Variants in BIN1 observed in about 807,000 individuals in gnomAD.
BIN1 encodes the protein myc box-dependent-interacting protein 1.
A neutral mutation model predicts 82.0 loss-of-function variants in BIN1; 53 were observed. That is an observed-to-expected ratio of 0.65 (90% CI 0.52 to 0.81). The LOEUF (loss-of-function observed/expected upper bound fraction) is 0.81, where lower values mean the gene tolerates loss of function less well. Among genes scored for constraint, BIN1 ranks in the 40% least tolerant of loss-of-function variants. The pLI, the probability that BIN1 is intolerant of heterozygous loss-of-function variation, is 0.00. For synonymous variants in BIN1, 302 were observed against 328.0 expected, an observed-to-expected ratio of 0.92 and a Z score of 0.86; for missense variants, 642 against 784.4, an observed-to-expected ratio of 0.82 and a Z score of 2.17.
intron 8 of BIN1, 50 bp from the exon 9 acceptor site, chr2:127,063,696 A>G (rs1207981959): frequency 1.9e-6 from 3 of 1,588,776 alleles, no homozygotes; most frequent in East Asian, 2.3e-5. Context: ...AGGTCAGGAC[A>G]GCAACTCAGA....
At chr2:127,088,961 C>A (rs148605462) in intron 1 of BIN1, among the ~76,000 whole-genome samples, 10 of 152,074 alleles carry the variant, frequency 6.6e-5, no homozygotes, top group Non-Finnish European at 1.3e-4. Context: ...ACAGCAAGAC[C>A]GGCGTGGCTG....
At chr2:127,053,472 G>T (rs762840542) in intron 13 of BIN1, 27 bp from the exon 14 acceptor site, 9 of 1,613,004 alleles carry the variant, frequency 5.6e-6, no homozygotes, top group African/African-American at 4.0e-5. Flanking sequence ...GGGCGAGAAG[G>T]ACAGTTAGCA....
At chr2:127,089,645 C>T (rs1244582604) in intron 1 of BIN1, among the ~76,000 whole-genome samples, 1 of 152,100 alleles carries the variant, frequency 6.6e-6, no homozygotes, top group African/African-American at 2.4e-5. Flanking sequence ...CCCCACCCAC[C>T]TGCCCCTCAG....
At chr2:127,065,933 A>G (rs1398509583) in intron 7 of BIN1, among the ~76,000 whole-genome samples, 2 of 152,128 alleles carry the variant, frequency 1.3e-5, no homozygotes, top group Non-Finnish European at 2.9e-5. Context: ...ATGAGGAGAG[A>G]GTGCCCCCAC....
intron 1 of BIN1, among the ~76,000 whole-genome samples, chr2:127,104,292 G>T (rs2105358016): frequency 6.6e-6 from 1 of 152,336 alleles, no homozygotes; most frequent in South Asian, 2.1e-4. Flanking sequence ...TGCCCTCAGG[G>T]ATCAGCCAGA....
At position 127,068,965 on chromosome 2, in the gene BIN1, G is replaced by A. The variant is rs1685511003; in HGVS notation, c.478C>T (p.Leu160Phe). 1.2e-6 allele frequency: 2 copies of A among 1,614,184 alleles called. No homozygotes were observed. Among genetic ancestry groups the A allele is most frequent in the South Asian group, 2.2e-5 (2 of 91,080 alleles). ...TCATCCTTCTTTTTGGCAGTTTGAAGGGACTCGTAGTGGTGCCGGGCACTG... is the reference window on the plus strand; with the variant it reads ...TCATCCTTCTTTTTGGCAGTTTGAAAGGACTCGTAGTGGTGCCGGGCACTG... ...YDSARHHYES[L>F]QTAKKKDEAK... Residue 160 changes from leucine (L) to phenylalanine (F), a missense_variant, in exon 6 of 19, where the codon CTT (leucine) becomes TTT (phenylalanine). Coordinates refer to ENST00000316724, the MANE Select transcript of BIN1 (RefSeq NM_139343.3). This position sits in a 1 kb window ranked among gnomAD's most constrained non-coding sequence, Gnocchi z 4.9.
rs1161842269 is a variant in BIN1, at chr2:127,063,983, A to C, written c.648T>G (p.Phe216Leu). Residue 216 changes from phenylalanine (F) to leucine (L), a missense_variant, in exon 8 of 19, where the codon TTT (phenylalanine) becomes TTG (leucine). Transcript: ENST00000316724. ...CCTGCAGATCCACATTCATCTCCTC[A>C]AACACCTTCTGGGCTTTGATGAGCT... Reference protein sequence around the residue: ...EEELIKAQKVFEEMNVDLQEE... With the variant: ...EEELIKAQKVLEEMNVDLQEE... 2 of 1,613,682 alleles carry C rather than the reference A, an allele frequency of 1.2e-6. No individual in the cohort carries two copies. Among genetic ancestry groups the C allele is most frequent in the Non-Finnish European group, 1.7e-6 (2 of 1,179,992 alleles).
intron 12 of BIN1, chr2:127,054,405 T>C: frequency 3.4e-6 from 1 of 293,524 alleles, no homozygotes; most frequent in Non-Finnish European, 6.6e-6. Context: ...GAACCTCCTC[T>C]CCGCTCCCTG....
Position 127,099,791 on chromosome 2 carries a change from C to T in BIN1, c.84+7069G>A, listed in dbSNP as rs370828072. On this transcript the variant is annotated intron_variant, in intron 1 of 18. Transcript: ENST00000316724. Reference sequence around the variant, plus strand: ...CCTCCCAAAGTGCTGGGGTTACAGGCGTGAGCCACTGCGCCTGGCCTTTTT... The same window carrying T: ...CCTCCCAAAGTGCTGGGGTTACAGGTGTGAGCCACTGCGCCTGGCCTTTTT... Among the ~76,000 whole-genome samples, 4 of 150,928 alleles carry T rather than the reference C, an allele frequency of 2.7e-5. No individual in the cohort carries two copies. In the East Asian group the frequency reaches 5.9e-4, roughly 22 times the overall value.
At chr2:127,098,741 C>A (rs1679922563) in intron 1 of BIN1, among the ~76,000 whole-genome samples, 1 of 152,256 alleles carries the variant, frequency 6.6e-6, no homozygotes, top group African/African-American at 2.4e-5. Context: ...CAGCAAATCA[C>A]ACTGAACCCC....
chr2:127,084,861 A>C (rs553828662), intron 1 of BIN1, among the ~76,000 whole-genome samples: 1 of 152,306 alleles, frequency 6.6e-6, no homozygotes, highest in African/African-American at 2.4e-5. Context: ...CACCTGCCCC[A>C]GGCTGGTGAC....
At chr2:127,094,614 C>T (rs931176513) in intron 1 of BIN1, among the ~76,000 whole-genome samples, 12 of 152,254 alleles carry the variant, frequency 7.9e-5, no homozygotes, top group African/African-American at 2.7e-4. Context: ...GCGGAGCCGA[C>T]TGCAGACTAT....
intron 1 of BIN1, 45 bp downstream of exon 1, chr2:127,106,815 G>A (rs752759426): frequency 6.4e-7 from 1 of 1,560,678 alleles, no homozygotes; most frequent in South Asian, 1.2e-5. Flanking sequence ...CCGGGGCTCC[G>A]CGGCGGCTGG....
chr2:127,048,325 G>A lies in BIN1; in HGVS notation c.*201C>T, dbSNP rs1232461307. 1.0e-5 allele frequency: 6 copies of A among 586,012 alleles called. No individual in the cohort carries two copies. The African/African-American group carries it at 1.1e-4, about 11-fold the overall frequency. 36.3% of individuals were successfully genotyped at this position (586,012 alleles called of 1,614,324 possible). On this transcript the variant is annotated 3_prime_UTR_variant, in exon 19 of 19. Coordinates refer to ENST00000316724, the MANE Select transcript of BIN1 (RefSeq NM_139343.3). Reference sequence around the variant, plus strand: ...ACACAGCAGCTTCAGGAACACTGGTGAATTCCGCCGGACTTGCCGGGACGC... The same window carrying A: ...ACACAGCAGCTTCAGGAACACTGGTAAATTCCGCCGGACTTGCCGGGACGC...
At chr2:127,083,210 C>T (rs1259805846) in intron 1 of BIN1, among the ~76,000 whole-genome samples, 3 of 151,912 alleles carry the variant, frequency 2.0e-5, no homozygotes, top group Non-Finnish European at 2.9e-5. Context: ...CTCAGCGTCC[C>T]GAGTAGCTGG....
At chr2:127,051,118 G>A (rs776018720) in intron 16 of BIN1, 36 bp downstream of exon 16, 1 of 1,610,644 alleles carries the variant, frequency 6.2e-7, no homozygotes, top group East Asian at 2.2e-5. Context: ...CGGGCGGCAG[G>A]GAGGAAAAGG....
In BIN1 at chr2:127,063,580, C is replaced by A; in HGVS notation, c.765G>T (p.Glu255Asp). 6.2e-7 allele frequency: 1 copy of A among 1,613,976 alleles called. No homozygotes were observed. The highest frequency in any genetic ancestry group is 1.1e-5 in the South Asian group (1 of 91,028). ...GGTCCCCATGGCCTACCTTGCTCAT[C>A]TCCTTGTGGAAGTTTTCCTCCAGGC... ...IAGLEENFHK[E>D]MSKLNQNLND... Residue 255 changes from glutamate to aspartate, a missense_variant, in exon 9 of 19, where the codon GAG becomes GAT. By Grantham distance (45) the Glu-to-Asp change is conservative. Transcript: ENST00000316724.
chr2:127,081,590 G>A (rs1687296644), intron 1 of BIN1, among the ~76,000 whole-genome samples: 1 of 152,196 alleles, frequency 6.6e-6, no homozygotes, highest in Admixed American at 6.5e-5. Flanking sequence ...GGCCCAGGAG[G>A]GAAGCCTAAG....
chr2:127,050,895 G>T lies in BIN1; in HGVS notation c.1479C>A (p.Val493=). The T allele has an allele frequency of 6.2e-7, 1 of 1,613,990 alleles. No individual in the cohort carries two copies. The highest frequency in any genetic ancestry group is 8.5e-7 in the Non-Finnish European group (1 of 1,180,004). Reference sequence around the variant, plus strand: ...CAGTTGCTGGGAAGGTCTCCACCACGACAGCAGGAAGAGAGCTCTGGTGGC... The same window carrying T: ...CAGTTGCTGGGAAGGTCTCCACCACTACAGCAGGAAGAGAGCTCTGGTGGC... ...SEAASSSLPA[V]VVETFPATVN... The change falls in exon 17 of 19, where the codon GTC becomes GTA. Residue 493 remains valine (V), a synonymous_variant. Coordinates refer to ENST00000316724, the MANE Select transcript of BIN1 (RefSeq NM_139343.3).
Sources: allele counts gnomAD v4.1 joint callset (sites outside exome capture counted in the v4.1 genomes callset), GRCh38; gene constraint gnomAD v4.1.1; non-coding constraint Gnocchi (gnomAD v3.1); transcripts MANE v1.5; gene names NCBI Gene and HGNC (gene_info 2026-07-23, HGNC 2026-07-21).